Variants in STRADA observed in about 807,000 individuals in gnomAD.
STRADA encodes STE20-related kinase adapter protein alpha.
Under a neutral mutation model 55.0 loss-of-function variants are expected in STRADA, and 26 were observed. The observed-to-expected ratio is 0.47, with a 90% CI of 0.35 to 0.66. The LOEUF (loss-of-function observed/expected upper bound fraction) is 0.66, where lower values mean the gene tolerates loss of function less well. Among genes scored for constraint, STRADA ranks in the 30% least tolerant of loss-of-function variants. The probability of loss-of-function intolerance (pLI) is 0.01; values close to 1 mark genes in which losing one functional copy is unlikely to be tolerated. For missense variants in STRADA, 443 were observed against 549.7 expected, an observed-to-expected ratio of 0.81 and a Z score of 1.94; for synonymous variants, 197 against 210.9, an observed-to-expected ratio of 0.93 and a Z score of 0.57.
intron 8 of STRADA, among the ~76,000 whole-genome samples, chr17:63,709,489 G>A (rs2036343395): frequency 6.6e-6 from 1 of 152,090 alleles, no homozygotes; most frequent in African/African-American, 2.4e-5. Context: ...ATCTCCTGTG[G>A]TGACAAAGCT....
intron 6 of STRADA, among the ~76,000 whole-genome samples, chr17:63,712,214 C>T (rs1184291758): frequency 6.6e-6 from 1 of 152,162 alleles, no homozygotes; most frequent in Admixed American, 6.5e-5. Flanking sequence ...CTCACAGTCT[C>T]TCTCCGTTTT....
intron 1 of STRADA, among the ~76,000 whole-genome samples, chr17:63,732,225 A>C (rs924650992): frequency 1.9e-4 from 29 of 151,160 alleles, no homozygotes; most frequent in Non-Finnish European, 1.5e-5. Flanking sequence ...GGCTAGTCTC[A>C]AACTCCTGAG....
intron 2 of STRADA, chr17:63,727,129 T>G (rs1343104527): frequency 5.7e-6 from 1 of 174,268 alleles, no homozygotes; most frequent in Non-Finnish European, 1.2e-5. Context: ...ACACAACAAG[T>G]TGCATATTCT....
At chr17:63,733,107 C>G (rs2038185461) in intron 1 of STRADA, among the ~76,000 whole-genome samples, 1 of 152,198 alleles carries the variant, frequency 6.6e-6, no homozygotes, top group Non-Finnish European at 1.5e-5. Context: ...CCAGGCTAAT[C>G]TTAAACTCCT....
chr17:63,704,168 G>A (rs2035907645), intron 11 of STRADA, 121 bp from the exon 12 acceptor site: 2 of 1,525,058 alleles, frequency 1.3e-6, no homozygotes, highest in Non-Finnish European at 1.8e-6. Context: ...ATGGGAAGCA[G>A]TGGCCAGAGC....
chr17:63,734,556 G>A (rs2038284664), intron 1 of STRADA, among the ~76,000 whole-genome samples: 1 of 152,048 alleles, frequency 6.6e-6, no homozygotes, highest in Admixed American at 6.6e-5. Flanking sequence ...AGAATCGCTT[G>A]AACTCGGGAG....
intron 4 of STRADA, among the ~76,000 whole-genome samples, chr17:63,721,468 C>T (rs922754204): frequency 2.1e-4 from 32 of 149,484 alleles, no homozygotes; most frequent in African/African-American, 7.9e-4. Flanking sequence ...CCTGTAATAC[C>T]AGGACTTTGG....
upstream of STRADA, chr17:63,741,982 C>G (rs917523570): frequency 6.6e-6 from 1 of 152,310 alleles, no homozygotes; most frequent in Non-Finnish European, 1.5e-5. Flanking sequence ...GAGCGGTTCT[C>G]AGTTCCCGTT....
intron 6 of STRADA, among the ~76,000 whole-genome samples, chr17:63,711,951 AAG>A (rs1491508117): frequency 6.6e-6 from 1 of 152,124 alleles, no homozygotes; most frequent in South Asian, 2.1e-4. Flanking sequence ...AGAAAAAAAA[AAG>A]AAAAAGAAAA....
intron 1 of STRADA, among the ~76,000 whole-genome samples, chr17:63,739,365 A>G (rs2038695815): frequency 6.6e-6 from 1 of 151,952 alleles, no homozygotes; most frequent in Non-Finnish European, 1.5e-5. Context: ...GGACTTTTCT[A>G]TTTTCAGATT....
At chr17:63,738,849 T>C (rs1156930986) in intron 1 of STRADA, among the ~76,000 whole-genome samples, 2 of 144,172 alleles carry the variant, frequency 1.4e-5, no homozygotes, top group African/African-American at 5.2e-5. Context: ...ATAATAATAA[T>C]AATAATAATA....
At chr17:63,736,350 G>A (rs769511333) in intron 1 of STRADA, among the ~76,000 whole-genome samples, 4 of 151,512 alleles carry the variant, frequency 2.6e-5, no homozygotes, top group African/African-American at 7.3e-5. Context: ...GTGTCCAGCC[G>A]GGCGCGGTGG....
chr17:63,738,891 C>T (rs2144351089), intron 1 of STRADA, among the ~76,000 whole-genome samples: 1 of 151,752 alleles, frequency 6.6e-6, no homozygotes, highest in Admixed American at 6.6e-5. Context: ...GTGGCTCACG[C>T]CTGTAATCCC....
intron 9 of STRADA, 57 bp from the exon 10 acceptor site, chr17:63,706,796 AGGGTAGAACTAAAGAGAG>A: frequency 1.5e-6 from 2 of 1,370,932 alleles, no homozygotes; most frequent in African/African-American, 1.4e-5. Context: ...TCTTAGAAAA[AGGGTAGAACTAAAGAGAG>A]GAAAAGGATG....
chr17:63,726,685 G>A lies in STRADA; in HGVS notation c.47C>T (p.Ser16Leu), dbSNP rs957557324. The A allele has an allele frequency of 8.1e-6, 13 of 1,613,882 alleles. No homozygotes were observed. Among genetic ancestry groups the A allele is most frequent in the Admixed American group, 6.7e-5 (4 of 59,986 alleles). Reference protein sequence around the residue: ...SKPERIRRWVSEKFIVEGLRD... With the variant: ...SKPERIRRWVLEKFIVEGLRD... ...TAAGCCCTCAACAATGAACTTTTCC[G>A]AGACCCACCGCTAAAGAGGAAAACC... Residue 16 changes from serine (S) to leucine (L), a missense_variant, in exon 3 of 13, where the codon TCG (serine) becomes TTG (leucine). Ser to Leu is a moderately radical substitution (Grantham distance 145). Transcript: ENST00000336174.
chr17:63,723,868 C>T (rs1354689516), intron 3 of STRADA: 1 of 152,314 alleles, frequency 6.6e-6, no homozygotes, highest in Non-Finnish European at 1.5e-5. Flanking sequence ...AAAGCAAAGG[C>T]ATTTTGGCGC....
intron 4 of STRADA, chr17:63,716,963 G>A (rs2143974381): frequency 6.6e-6 from 1 of 152,334 alleles, no homozygotes; most frequent in East Asian, 1.9e-4. Context: ...GTGACCCTGG[G>A]CAAGTCACTC....
At chr17:63,716,094 G>A (rs1433224828) in intron 4 of STRADA, among the ~76,000 whole-genome samples, 1 of 149,084 alleles carries the variant, frequency 6.7e-6, no homozygotes, top group South Asian at 2.1e-4. Context: ...CAACGTACGT[G>A]GTTTTTTTTT....
rs2035985940 is a variant in STRADA, at chr17:63,704,971, G to A, written c.859-389C>T. On this transcript the variant is annotated intron_variant, in intron 10 of 12. Transcript: ENST00000336174. ...GCCCAGCCGTCTGCCATGCTCAGGT[G>A]GATCCGATGAGGTCTGAGAGGCAGT... 5 of 1,446,122 alleles carry A rather than the reference G, an allele frequency of 3.5e-6. No individual in the cohort carries two copies. The East Asian group carries it at 1.2e-4, about 36-fold the overall frequency. 89.6% of individuals were successfully genotyped at this position (1,446,122 alleles called of 1,614,324 possible).
Sources: allele counts gnomAD v4.1 joint callset (sites outside exome capture counted in the v4.1 genomes callset), GRCh38; gene constraint gnomAD v4.1.1; transcripts MANE v1.5; gene names NCBI Gene and HGNC (gene_info 2026-07-23, HGNC 2026-07-21).